Variants in IQCJ observed in about 807,000 individuals in gnomAD.
The protein encoded by IQCJ is IQ motif containing J.
IQCJ carries 9 observed loss-of-function variants against 11.0 expected under a neutral mutation model. The ratio of observed to expected loss-of-function variants is 0.82; its 90% CI spans 0.49 to 1.43. The LOEUF is 1.43. Among genes scored for constraint, IQCJ ranks in the 40% most tolerant of loss-of-function variants. The pLI is 0.00. For synonymous variants in IQCJ, 55 were observed against 51.3 expected (o/e 1.07, Z -0.31); for missense variants, 146 against 133.2 (o/e 1.10, Z -0.47).
chr3:159,120,037 G>C (rs1719266150), intron 1 of IQCJ, among the ~76,000 whole-genome samples: 1 of 152,092 alleles, frequency 6.6e-6, no homozygotes, highest in Non-Finnish European at 1.5e-5. Context: ...ATATTTACTT[G>C]TTATATACAT....
At chr3:159,198,914 T>A (rs1436222107) in intron 1 of IQCJ, among the ~76,000 whole-genome samples, 5 of 152,214 alleles carry the variant, frequency 3.3e-5, no homozygotes, top group Non-Finnish European at 7.3e-5. Context: ...CAACTCATGA[T>A]CTTCTCTTCT....
intron 1 of IQCJ, among the ~76,000 whole-genome samples, chr3:159,138,956 A>C (rs1185725291): frequency 6.6e-6 from 1 of 152,220 alleles, no homozygotes; most frequent in African/African-American, 2.4e-5. Context: ...TGAAATCCTG[A>C]GGACAAGACC....
chr3:159,144,501 A>G (rs1307598622), intron 1 of IQCJ, among the ~76,000 whole-genome samples: 3 of 152,232 alleles, frequency 2.0e-5, no homozygotes, highest in African/African-American at 4.8e-5. Flanking sequence ...GTGAACAGAT[A>G]GATGAGAATC....
intron 2 of IQCJ, among the ~76,000 whole-genome samples, chr3:159,246,768 G>GAAATGTAAT: frequency 6.6e-6 from 1 of 152,206 alleles, no homozygotes; most frequent in East Asian, 1.9e-4. Flanking sequence ...AGTCTCAGAA[G>GAAATGTAAT]AAATGTAATA....
At chr3:159,069,850 T>A in intron 1 of IQCJ, 1 of 164,686 alleles carries the variant, frequency 6.1e-6, no homozygotes. Flanking sequence ...TTCTTGTGTG[T>A]GTGTGTGTGT....
chr3:159,145,079 C>G (rs1489316698), intron 1 of IQCJ, among the ~76,000 whole-genome samples: 1 of 152,170 alleles, frequency 6.6e-6, no homozygotes, highest in African/African-American at 2.4e-5. Context: ...TTCAGGTTAG[C>G]AGAAAATTCT....
intron 2 of IQCJ, 62 bp from the exon 3 acceptor site, chr3:159,252,665 T>G: frequency 7.1e-7 from 1 of 1,412,374 alleles, no homozygotes; most frequent in Non-Finnish European, 9.7e-7. Context: ...ATTAGCAGTA[T>G]TATTGCTATA....
At chr3:159,085,131 T>C (rs1159966786) in intron 1 of IQCJ, among the ~76,000 whole-genome samples, 1 of 151,642 alleles carries the variant, frequency 6.6e-6, no homozygotes, top group African/African-American at 2.4e-5. Context: ...TGTGTTCTCA[T>C]TGTTCAATTC....
At chr3:159,155,855 C>T (rs541388752) in intron 1 of IQCJ, among the ~76,000 whole-genome samples, 1 of 152,230 alleles carries the variant, frequency 6.6e-6, no homozygotes, top group Non-Finnish European at 1.5e-5. Flanking sequence ...AAACATAATG[C>T]ATATTACCAT....
At chr3:159,160,971 G>A (rs1385269972) in intron 1 of IQCJ, among the ~76,000 whole-genome samples, 1 of 152,094 alleles carries the variant, frequency 6.6e-6, no homozygotes, top group African/African-American at 2.4e-5. Flanking sequence ...TTGCTATTAT[G>A]AATAATGCCG....
Position 159,262,941 on chromosome 3 carries a change from G to T in IQCJ, c.*210G>T. ...TTATGTGTTCTCATTTCTCTATTATGGAGGTATCTTTTTTGCTTTTCTTTA... is the reference window on the plus strand; with the variant it reads ...TTATGTGTTCTCATTTCTCTATTATTGAGGTATCTTTTTTGCTTTTCTTTA... On this transcript the variant is annotated 3_prime_UTR_variant, in exon 4 of 4. Transcript: ENST00000397832. The T allele has an allele frequency of 1.5e-6, 2 of 1,305,924 alleles. No homozygotes were observed. The highest frequency in any genetic ancestry group is 2.8e-5 in the East Asian group (1 of 35,900). 80.9% of individuals were successfully genotyped at this position (1,305,924 alleles called of 1,614,324 possible).
intron 1 of IQCJ, among the ~76,000 whole-genome samples, chr3:159,185,751 T>A (rs1484888693): frequency 6.6e-6 from 1 of 152,176 alleles, no homozygotes; most frequent in African/African-American, 2.4e-5. Flanking sequence ...GGTGCTTCAA[T>A]TCTTCATTTT....
At chr3:159,194,526 C>G (rs1357103455) in intron 1 of IQCJ, among the ~76,000 whole-genome samples, 1 of 152,192 alleles carries the variant, frequency 6.6e-6, no homozygotes, top group South Asian at 2.1e-4. Context: ...AAGGTGGCCA[C>G]TGTCAAGCTT....
chr3:159,238,900 C>T (rs1029025887), intron 1 of IQCJ, among the ~76,000 whole-genome samples: 1 of 152,000 alleles, frequency 6.6e-6, no homozygotes, highest in African/African-American at 2.4e-5. Flanking sequence ...GTCACACAGA[C>T]CTTGGCTGAG....
At chr3:159,139,345 G>A (rs1428413482) in intron 1 of IQCJ, among the ~76,000 whole-genome samples, 1 of 152,132 alleles carries the variant, frequency 6.6e-6, no homozygotes, top group African/African-American at 2.4e-5. Context: ...TTGGAAAAAT[G>A]TATTCTGTGT....
chr3:159,116,663 TATATATAC>T (rs1239651489), intron 1 of IQCJ, among the ~76,000 whole-genome samples: 665 of 22,588 alleles, frequency 0.029, 52 homozygotes, highest in African/African-American at 0.041. Context: ...TATATATATA[TATATATAC>T]ACCCTTCATC....
chr3:159,233,746 T>C (rs991425665), intron 1 of IQCJ, among the ~76,000 whole-genome samples: 4 of 152,112 alleles, frequency 2.6e-5, no homozygotes, highest in African/African-American at 9.7e-5. Flanking sequence ...AAGACATAAT[T>C]GCTATCCTTG....
chr3:159,128,426 C>T lies in IQCJ; in HGVS notation c.9+58985C>T, dbSNP rs547305939. Among the ~76,000 whole-genome samples the T allele has an allele frequency of 2.0e-5, 3 of 152,238 alleles. 1 individual carries two copies. Among genetic ancestry groups the T allele is most frequent in the Admixed American group, 6.5e-5 (1 of 15,288 alleles). On this transcript the variant is annotated intron_variant, in intron 1 of 3. Transcript: ENST00000397832. The stretch of plus-strand genomic sequence containing the variant: ...CTTCTCATCCATCTGGTGATGGAAT[C>T]GATGTTAGAAATATGTCTTTTCCTC...
At chr3:159,149,086 C>T (rs1721064579) in intron 1 of IQCJ, among the ~76,000 whole-genome samples, 1 of 152,134 alleles carries the variant, frequency 6.6e-6, no homozygotes, top group Admixed American at 6.5e-5. Context: ...GACTAATTTG[C>T]TTACTTTTAA....
Sources: gnomAD v4.1 joint callset for allele counts (sites outside exome capture counted in the v4.1 genomes callset) on GRCh38, gnomAD v4.1.1 for gene constraint, MANE v1.5 for transcripts, NCBI Gene and HGNC (gene_info 2026-07-23, HGNC 2026-07-21) for gene names.